The following ARHGEF33 variants were observed in gnomAD, a reference collection of about 807,000 sequenced individuals.
ARHGEF33 encodes Rho guanine nucleotide exchange factor 33.
ARHGEF33 carries 72 observed loss-of-function variants against 101.9 expected under a neutral mutation model. That is an observed-to-expected ratio of 0.71 (90% CI 0.58 to 0.86). The LOEUF is 0.86. Ranked by LOEUF, ARHGEF33 falls within the 40% of genes least tolerant of loss-of-function variation. ARHGEF33 has a pLI of 0.00. For synonymous variants in ARHGEF33, 499 were observed against 442.5 expected, an observed-to-expected ratio of 1.13 and a Z score of -1.60; for missense variants, 1,169 against 1,111.3, an observed-to-expected ratio of 1.05 and a Z score of -0.74.
intron 2 of ARHGEF33, among the ~76,000 whole-genome samples, chr2:38,909,599 A>G (rs1049313164): frequency 8.6e-5 from 13 of 151,500 alleles, no homozygotes; most frequent in Non-Finnish European, 5.9e-5. Context: ...TTGGACTCCA[A>G]AAGTGCTGGG....
intron 2 of ARHGEF33, among the ~76,000 whole-genome samples, chr2:38,918,531 T>A (rs1403525162): frequency 1.3e-5 from 2 of 152,150 alleles, no homozygotes; most frequent in Non-Finnish European, 2.9e-5. Flanking sequence ...AGGGCCAGTA[T>A]CCACAACACT....
In ARHGEF33 at chr2:38,953,175, A is replaced by G; in HGVS notation, c.1067A>G (p.Asp356Gly). The change falls in exon 12 of 18, where the codon GAT becomes GGT. Residue 356 changes from aspartate (D) to glycine (G), a missense_variant. By Grantham distance (94) the Asp-to-Gly change is moderately conservative. Coordinates refer to ENST00000409978, the MANE Select transcript of ARHGEF33 (RefSeq NM_001145451.5). ...KLTNDENNFL[D>G]YYVAYLRDLP... ...TTTGTTTTAAAGAATAATTTCTTGGATTATTATGTTGCCTACCTAAGGGAC... is the reference window on the plus strand; with the variant it reads ...TTTGTTTTAAAGAATAATTTCTTGGGTTATTATGTTGCCTACCTAAGGGAC... 6.6e-7 allele frequency: 1 copy of G among 1,513,506 alleles called. No homozygotes were observed. Among genetic ancestry groups the G allele is most frequent in the Non-Finnish European group, 9.0e-7 (1 of 1,111,876 alleles). The allele number at this position is 1,513,506 out of a possible 1,614,324, so 93.8% of individuals were successfully genotyped here.
In ARHGEF33 at chr2:38,960,357, G is replaced by C. The variant is rs1004730982; in HGVS notation, c.2052G>C (p.Ala684=). ...TGCCCAAGAGCGCTACGTCGCCGGCGGGCAGCAGCAGCGCCTACAAACTGG... is the reference window on the plus strand; with the variant it reads ...TGCCCAAGAGCGCTACGTCGCCGGCCGGCAGCAGCAGCGCCTACAAACTGG... ...QPLPKSATSP[A]GSSSAYKLEA... Residue 684 remains alanine (A), a synonymous_variant, in exon 16 of 18, where the codon GCG becomes GCC. Transcript: ENST00000409978. 3.9e-6 allele frequency: 6 copies of C among 1,530,584 alleles called. No homozygotes were observed. The highest frequency in any genetic ancestry group is 5.3e-6 in the Non-Finnish European group (6 of 1,142,698). The allele number at this position is 1,530,584 out of a possible 1,614,324, so 94.8% of individuals were successfully genotyped here.
At position 38,915,399 on chromosome 2, in the gene ARHGEF33, T is replaced by G. The variant is rs1426316349; in HGVS notation, c.-85-3964T>G. Among the ~76,000 whole-genome samples, 6 of 150,696 alleles carry G rather than the reference T, an allele frequency of 4.0e-5. No homozygotes were observed. In the East Asian group the frequency reaches 1.2e-3, roughly 29 times the overall value. On this transcript the variant is annotated intron_variant, in intron 2 of 17. Coordinates refer to ENST00000409978, the MANE Select transcript of ARHGEF33 (RefSeq NM_001145451.5). ...TTTATTGACTTTTTTTTTTTTTTTT[T>G]TTTGAGACAGAATTTCGCCCTGTCC...
chr2:38,957,160 G>A (rs1667787969), intron 14 of ARHGEF33, 113 bp downstream of exon 14: 2 of 1,314,756 alleles, frequency 1.5e-6, no homozygotes, highest in Non-Finnish European at 1.1e-6. Context: ...GGAGGTAGAA[G>A]GAAAGAGAGA....
chr2:38,960,399 G>A lies in ARHGEF33; in HGVS notation c.2094G>A (p.Ala698=), dbSNP rs1466718561. Residue 698 remains alanine (A), a synonymous_variant, in exon 16 of 18, where the codon GCG becomes GCA. Transcript: ENST00000409978. ...SAYKLEAAAQ[A]HGKAKPLSRS... is the part of the protein sequence containing the mutation. Reference sequence around the variant, plus strand: ...ACAAACTGGAGGCGGCGGCGCAGGCGCACGGCAAGGCCAAGCCGCTGAGCC... The same window carrying A: ...ACAAACTGGAGGCGGCGGCGCAGGCACACGGCAAGGCCAAGCCGCTGAGCC... 4.0e-6 allele frequency: 6 copies of A among 1,508,312 alleles called. No homozygotes were observed. The highest frequency in any genetic ancestry group is 5.3e-6 in the Non-Finnish European group (6 of 1,134,934). The allele number at this position is 1,508,312 out of a possible 1,614,324, so 93.4% of individuals were successfully genotyped here.
chr2:38,924,566 C>CT lies in ARHGEF33; in HGVS notation c.75+3145dup, dbSNP rs1666833172. 2.6e-5 allele frequency among the ~76,000 whole-genome samples: 4 copies of CT among 152,216 alleles called. No homozygotes were observed. In the South Asian group the frequency reaches 8.3e-4, roughly 32 times the overall value. On this transcript the variant is annotated intron_variant, in intron 4 of 17. Coordinates refer to ENST00000409978, the MANE Select transcript of ARHGEF33 (RefSeq NM_001145451.5). ...CAACTCCAACTGTGTTTTAAGCTCA[C>CT]TTGTAGCCTTAGGAATGTAAACAGT...
chr2:38,903,624 A>C (rs1331286337), intron 2 of ARHGEF33, among the ~76,000 whole-genome samples: 1 of 152,164 alleles, frequency 6.6e-6, no homozygotes, highest in Non-Finnish European at 1.5e-5. Context: ...TGAAGGAAGA[A>C]AAGGATTGAG....
At chr2:38,891,576 G>A (rs1482883668) in intron 1 of ARHGEF33, among the ~76,000 whole-genome samples, 1 of 151,990 alleles carries the variant, frequency 6.6e-6, no homozygotes, top group African/African-American at 2.4e-5. Context: ...CCTATTCCTG[G>A]GACCACAGGT....
chr2:38,955,554 T>C (rs1003463381), intron 13 of ARHGEF33, among the ~76,000 whole-genome samples: 2 of 147,278 alleles, frequency 1.4e-5, no homozygotes, highest in Non-Finnish European at 3.0e-5. Flanking sequence ...AGTGGTGTGA[T>C]CTTGGCTTGA....
At chr2:38,954,187 G>A (rs1320810674) in intron 12 of ARHGEF33, among the ~76,000 whole-genome samples, 186 bp from the exon 13 acceptor site, 1 of 152,224 alleles carries the variant, frequency 6.6e-6, no homozygotes, top group African/African-American at 2.4e-5. Context: ...TGAGGGAGAA[G>A]AGCTGTCTCC....
At position 38,974,932 on chromosome 2, in the gene ARHGEF33, A is replaced by T. The variant is rs1278555217; in HGVS notation, c.*1089A>T. 6.6e-6 allele frequency: 1 copy of T among 152,174 alleles called. No individual in the cohort carries two copies. Among genetic ancestry groups the T allele is most frequent in the Admixed American group, 6.5e-5 (1 of 15,278 alleles). 9.4% of individuals were successfully genotyped at this position (152,174 alleles called of 1,614,324 possible). ...TAAAATGTGCTCTGTTTCCACATGG[A>T]TATGTGCAAGATGGTCAGCATCCTT... is the stretch of plus-strand genomic sequence containing the variant. On this transcript the variant is annotated 3_prime_UTR_variant, in exon 18 of 18. Transcript: ENST00000409978.
At position 38,889,962 on chromosome 2, in the gene ARHGEF33, A is replaced by G. The variant is rs1362707721; in HGVS notation, c.-183A>G. 2.1e-6 allele frequency: 1 copy of G among 470,726 alleles called. No individual in the cohort carries two copies. The highest frequency in any genetic ancestry group is 4.4e-6 in the Non-Finnish European group (1 of 226,864). 29.2% of individuals were successfully genotyped at this position (470,726 alleles called of 1,614,324 possible). ...CCAGATAAGCCTTGATCTGAGGATGATATAACCACCGCAGGCAACATGGGG... is the reference window on the plus strand; with the variant it reads ...CCAGATAAGCCTTGATCTGAGGATGGTATAACCACCGCAGGCAACATGGGG... On this transcript the variant is annotated 5_prime_UTR_variant, in exon 1 of 18. Coordinates refer to ENST00000409978, the MANE Select transcript of ARHGEF33 (RefSeq NM_001145451.5).
At chr2:38,901,143 T>C (rs539301432) in intron 2 of ARHGEF33, among the ~76,000 whole-genome samples, 1 of 151,970 alleles carries the variant, frequency 6.6e-6, no homozygotes, top group East Asian at 1.9e-4. Context: ...TTTCTTTCTT[T>C]TTATTTATTT....
At chr2:38,971,738 C>CTGCATTAATT in intron 17 of ARHGEF33, 1 of 691,400 alleles carries the variant, frequency 1.4e-6, no homozygotes, top group Non-Finnish European at 2.7e-6. Context: ...TAATTAATAT[C>CTGCATTAATT]AAGAAATGCA....
At chr2:38,960,680 T>A in intron 16 of ARHGEF33, 32 bp downstream of exon 16, 1 of 1,348,796 alleles carries the variant, frequency 7.4e-7, no homozygotes, top group Non-Finnish European at 9.7e-7. Flanking sequence ...ACCCACAGCG[T>A]CGACGGCCCC....
chr2:38,920,026 T>A (rs1336589030), intron 3 of ARHGEF33, among the ~76,000 whole-genome samples: 1 of 152,158 alleles, frequency 6.6e-6, no homozygotes, highest in Non-Finnish European at 1.5e-5. Flanking sequence ...TGCAGGAAGT[T>A]TGGGTAACCT....
chr2:38,971,775 G>A lies in ARHGEF33; in HGVS notation c.2484-1939G>A, dbSNP rs1382118393. On this transcript the variant is annotated intron_variant, in intron 17 of 17. Coordinates refer to ENST00000409978, the MANE Select transcript of ARHGEF33 (RefSeq NM_001145451.5). ...AGAAATTCAGACATTGGAGACATAG[G>A]GAAGGTACAATTTGTGAGAAGAGCA... 4 of 716,106 alleles carry A rather than the reference G, an allele frequency of 5.6e-6. 1 individual carries two copies. Among genetic ancestry groups the A allele is most frequent in the African/African-American group, 3.5e-5 (2 of 57,102 alleles). 44.4% of individuals were successfully genotyped at this position (716,106 alleles called of 1,614,324 possible).
chr2:38,912,177 C>A (rs1447224583), intron 2 of ARHGEF33, among the ~76,000 whole-genome samples: 1 of 152,196 alleles, frequency 6.6e-6, no homozygotes, highest in African/African-American at 2.4e-5. Context: ...AGCACTGCAA[C>A]TGTAGAGACA....
Sources: gnomAD v4.1 joint callset for allele counts (sites outside exome capture counted in the v4.1 genomes callset) on GRCh38, gnomAD v4.1.1 for gene constraint, MANE v1.5 for transcripts, NCBI Gene and HGNC (gene_info 2026-07-23, HGNC 2026-07-21) for gene names.